The following KCNN2 variants were observed in gnomAD, a reference collection of about 807,000 sequenced individuals.
The protein encoded by KCNN2 is small conductance calcium-activated potassium channel protein 2.
In KCNN2, 24 loss-of-function variants were observed where a neutral mutation model predicts 55.5. That is an observed-to-expected ratio of 0.43 (90% CI 0.31 to 0.61). The LOEUF (loss-of-function observed/expected upper bound fraction) is 0.61. Ranked by LOEUF, KCNN2 falls within the 20% of genes least tolerant of loss-of-function variation. The pLI, the probability that KCNN2 is intolerant of heterozygous loss-of-function variation, is 0.08. For missense variants in KCNN2, 754 were observed against 853.6 expected (o/e 0.88, Z 1.45); for synonymous variants, 431 against 336.1 (o/e 1.28, Z -3.09).
In KCNN2 at chr5:114,362,799, G is replaced by C; in HGVS notation, c.660G>C (p.Gly220=). ...EIAMSSCRYN[G]GVMRPLSNLS... ...CCATGAGCAGCTGCAGGTACAACGG[G>C]GGCGTCATGCGGCCGCTCAGCAACT... Residue 220 remains glycine, a synonymous_variant, in exon 1 of 8, where the codon GGG becomes GGC. Coordinates refer to ENST00000673685, the MANE Select transcript of KCNN2 (RefSeq NM_021614.4). 1 of 1,596,314 alleles carries C rather than the reference G, an allele frequency of 6.3e-7. No homozygotes were observed. The highest frequency in any genetic ancestry group is 2.2e-5 in the East Asian group (1 of 44,688).
intron 3 of KCNN2, among the ~76,000 whole-genome samples, chr5:114,410,807 A>T (rs1033395249): frequency 6.6e-6 from 1 of 152,160 alleles, no homozygotes; most frequent in African/African-American, 2.4e-5. Flanking sequence ...TCATTTGGTT[A>T]AAAAAGTGGC....
At chr5:114,325,941 G>A (rs1208574451) in intron 2 of KCNN2, among the ~76,000 whole-genome samples, 1 of 152,186 alleles carries the variant, frequency 6.6e-6, no homozygotes, top group Non-Finnish European at 1.5e-5. Context: ...CTTCCAGTGG[G>A]GTCTGGGCCT....
intron 3 of KCNN2, among the ~76,000 whole-genome samples, chr5:114,430,925 T>G (rs1481018011): frequency 1.3e-5 from 2 of 152,140 alleles, no homozygotes; most frequent in African/African-American, 4.8e-5. Context: ...GAACTAGCCT[T>G]GTATGCTCAG....
chr5:114,205,129 ACTGT>A (rs1753743606), intron 1 of KCNN2, among the ~76,000 whole-genome samples: 1 of 151,958 alleles, frequency 6.6e-6, no homozygotes. Flanking sequence ...TTGGTCAAAC[ACTGT>A]CTGTCTTTGT....
chr5:114,335,557 C>G (rs1310113483), intron 2 of KCNN2, among the ~76,000 whole-genome samples: 1 of 152,068 alleles, frequency 6.6e-6, no homozygotes, highest in Non-Finnish European at 1.5e-5. Flanking sequence ...TTAATGTCAT[C>G]CATTGGGTGG....
At chr5:114,196,524 C>T (rs1320771600) in intron 1 of KCNN2, among the ~76,000 whole-genome samples, 1 of 151,856 alleles carries the variant, frequency 6.6e-6, no homozygotes, top group Non-Finnish European at 1.5e-5. Flanking sequence ...TTTACTAATT[C>T]TTTTTATCCA....
At chr5:114,085,183 A>G (rs1750989149) in intron 1 of KCNN2, among the ~76,000 whole-genome samples, 1 of 151,814 alleles carries the variant, frequency 6.6e-6, no homozygotes, top group African/African-American at 2.4e-5. Flanking sequence ...TTTAGCTAGT[A>G]TTGTGCTAGC....
intron 2 of KCNN2, among the ~76,000 whole-genome samples, chr5:114,316,162 T>G (rs566336): frequency 0.43 from 65,841 of 151,904 alleles, 14,848 homozygotes; most frequent in East Asian, 0.83. Context: ...TAAATTAAAT[T>G]GCCAGGAGCT....
intron 3 of KCNN2, among the ~76,000 whole-genome samples, chr5:114,405,731 G>A (rs1347536921): frequency 4.0e-5 from 6 of 149,062 alleles, no homozygotes; most frequent in Non-Finnish European, 5.9e-5. Flanking sequence ...TTTTTTTTGA[G>A]ACGGAGTCTC....
At chr5:114,279,123 A>G (rs895317287) in intron 2 of KCNN2, among the ~76,000 whole-genome samples, 1 of 152,040 alleles carries the variant, frequency 6.6e-6, no homozygotes, top group Non-Finnish European at 1.5e-5. Flanking sequence ...TAGTGACTGT[A>G]ATAATAATGC....
At chr5:114,363,567 T>C (rs2150046357) in intron 1 of KCNN2, among the ~76,000 whole-genome samples, 1 of 152,314 alleles carries the variant, frequency 6.6e-6, no homozygotes, top group East Asian at 1.9e-4. Flanking sequence ...TCGTGAATTA[T>C]GTTTAGAAGG....
intron 5 of KCNN2, among the ~76,000 whole-genome samples, chr5:114,473,384 C>T (rs957731287): frequency 4.9e-4 from 74 of 152,080 alleles, no homozygotes; most frequent in African/African-American, 1.6e-3. Flanking sequence ...TGGATAAAGA[C>T]GAGTCACATA....
intron 2 of KCNN2, among the ~76,000 whole-genome samples, chr5:114,345,518 G>A (rs1273193885): frequency 3.3e-5 from 5 of 152,114 alleles, no homozygotes; most frequent in African/African-American, 7.2e-5. Flanking sequence ...AATAAAAATC[G>A]AAATCAAATA....
intron 3 of KCNN2, among the ~76,000 whole-genome samples, chr5:114,446,958 A>C (rs1009787161): frequency 6.6e-6 from 1 of 152,202 alleles, no homozygotes; most frequent in Non-Finnish European, 1.5e-5. Context: ...TTAAAAATCT[A>C]GTTCCTCATT....
chr5:114,209,239 T>C (rs573365478), intron 1 of KCNN2, among the ~76,000 whole-genome samples: 8 of 152,072 alleles, frequency 5.3e-5, no homozygotes, highest in African/African-American at 1.9e-4. Context: ...TTTTTGCCTT[T>C]TAAGACTCTC....
At chr5:114,412,482 A>C (rs1759167550) in intron 3 of KCNN2, among the ~76,000 whole-genome samples, 2 of 152,188 alleles carry the variant, frequency 1.3e-5, no homozygotes. Context: ...TCCATTTCAA[A>C]ACAGTTTCAG....
intron 1 of KCNN2, among the ~76,000 whole-genome samples, chr5:114,185,917 T>C (rs114830531): frequency 0.019 from 2,937 of 152,224 alleles, 90 homozygotes; most frequent in African/African-American, 0.066. Context: ...ATAATGATCA[T>C]TGGATTGAAG....
intron 5 of KCNN2, among the ~76,000 whole-genome samples, chr5:114,481,317 A>C (rs915340074): frequency 1.4e-4 from 21 of 152,186 alleles, no homozygotes; most frequent in Non-Finnish European, 3.1e-4. Flanking sequence ...CTTCAAGGAG[A>C]ACTACAAACC....
intron 2 of KCNN2, among the ~76,000 whole-genome samples, chr5:114,336,163 G>T (rs1756920096): frequency 6.6e-6 from 1 of 152,108 alleles, no homozygotes; most frequent in Non-Finnish European, 1.5e-5. Flanking sequence ...GTGCTTAATG[G>T]AAACAAACAT....
Sources: allele counts gnomAD v4.1 joint callset (sites outside exome capture counted in the v4.1 genomes callset), GRCh38; gene constraint gnomAD v4.1.1; transcripts MANE v1.5; gene names NCBI Gene and HGNC (gene_info 2026-07-23, HGNC 2026-07-21).